RAB20: variants seen among roughly 807,000 people sequenced by gnomAD.
RAB20 encodes the protein ras-related protein Rab-20.
A neutral mutation model predicts 3.7 loss-of-function variants in RAB20; 2 were observed. The observed-to-expected ratio is 0.54, with a 90% CI of 0.22 to 1.69. The LOEUF (loss-of-function observed/expected upper bound fraction) is 1.69, where lower values mean the gene tolerates loss of function less well. Ranked by LOEUF, RAB20 falls within the 40% of genes most tolerant of loss-of-function variation. The pLI, the probability that RAB20 is intolerant of heterozygous loss-of-function variation, is 0.19. For synonymous variants in RAB20, 126 were observed against 130.8 expected (o/e 0.96, Z 0.25); for missense variants, 276 against 311.9 (o/e 0.88, Z 0.87).
At chr13:110,549,176 A>G (rs34659504) in intron 1 of RAB20, among the ~76,000 whole-genome samples, 2,774 of 152,384 alleles carry the variant, frequency 0.018, 37 homozygotes, top group African/African-American at 0.026. Context: ...AGTCCACAAA[A>G]CAAATCAGCA....
intron 1 of RAB20, among the ~76,000 whole-genome samples, chr13:110,542,033 A>G (rs1290608642): frequency 6.6e-6 from 1 of 152,140 alleles, no homozygotes; most frequent in Non-Finnish European, 1.5e-5. Flanking sequence ...CTGCCAAATA[A>G]TAAGGGTGTT....
In RAB20 at chr13:110,561,633, G is replaced by A; in HGVS notation, c.-114C>T. The A allele has an allele frequency of 6.8e-7, 1 of 1,469,652 alleles. No individual in the cohort carries two copies. The highest frequency in any genetic ancestry group is 9.0e-7 in the Non-Finnish European group (1 of 1,112,536). 91.0% of individuals were successfully genotyped at this position (1,469,652 alleles called of 1,614,324 possible). A position where few individuals can be genotyped will look rare whatever the true frequency, so the allele number is the denominator to read the frequency against. On this transcript the variant is annotated 5_prime_UTR_variant, in exon 1 of 2. In the 5' UTR this introduces an upstream ATG that the reference lacks. Transcript: ENST00000267328. ...CGGACTCGCCGGGACCCGGATTCTC[G>A]TGAACGCTCCGGGACCTTCGCCTCC...
At chr13:110,549,418 G>GT (rs1884910281) in intron 1 of RAB20, among the ~76,000 whole-genome samples, 1 of 152,194 alleles carries the variant, frequency 6.6e-6, no homozygotes, top group Non-Finnish European at 1.5e-5. Flanking sequence ...ACTCACCACT[G>GT]TGTCTTTTCA....
At chr13:110,530,459 G>T (rs1455645099) in intron 1 of RAB20, among the ~76,000 whole-genome samples, 1 of 73,686 alleles carries the variant, frequency 1.4e-5, no homozygotes, top group Non-Finnish European at 2.5e-5. Context: ...GGTCCCACCC[G>T]CCCCACCTCT....
intron 1 of RAB20, among the ~76,000 whole-genome samples, chr13:110,554,353 C>T (rs1259973080): frequency 6.6e-6 from 1 of 152,180 alleles, no homozygotes; most frequent in Non-Finnish European, 1.5e-5. Flanking sequence ...TATGACACAG[C>T]CTCCACCCCA....
In RAB20 at chr13:110,523,501, T is replaced by G; in HGVS notation, c.*164A>C. 7.6e-7 allele frequency: 1 copy of G among 1,322,714 alleles called. No homozygotes were observed. The highest frequency in any genetic ancestry group is 1.0e-6 in the Non-Finnish European group (1 of 993,384). 81.9% of individuals were successfully genotyped at this position (1,322,714 alleles called of 1,614,324 possible). ...CAGAGACTGAGGAGACCACACACGT[T>G]GACCTCCTCTTCATAGCCAGCCATC... On this transcript the variant is annotated 3_prime_UTR_variant, in exon 2 of 2. Transcript: ENST00000267328.
chr13:110,546,685 A>C (rs1884854145), intron 1 of RAB20, among the ~76,000 whole-genome samples: 1 of 150,528 alleles, frequency 6.6e-6, no homozygotes, highest in Non-Finnish European at 1.5e-5. Flanking sequence ...TGTGAACAGT[A>C]CAAGCTGAAC....
rs560879473 is a variant in RAB20 at position 110,543,292 on chromosome 13, C to T, written c.172+18056G>A. The stretch of plus-strand genomic sequence containing the variant: ...TACAGATGTGCACCACCTCCCCTGG[C>T]TAATTTTTCTTATTTTTTTGTAGAG... On this transcript the variant is annotated intron_variant, in intron 1 of 1. Coordinates refer to ENST00000267328, the MANE Select transcript of RAB20 (RefSeq NM_017817.3). Among the ~76,000 whole-genome samples, 55 of 152,194 alleles carry T rather than the reference C, an allele frequency of 3.6e-4. No individual in the cohort carries two copies. The South Asian group carries it at 9.3e-3, about 26-fold the overall frequency.
At chr13:110,539,366 C>T (rs377223986) in intron 1 of RAB20, among the ~76,000 whole-genome samples, 4 of 152,020 alleles carry the variant, frequency 2.6e-5, no homozygotes, top group Admixed American at 6.6e-5. Context: ...AAATACTGAC[C>T]GACAGCCATC....
intron 1 of RAB20, among the ~76,000 whole-genome samples, chr13:110,549,097 T>G (rs1884903540): frequency 6.6e-6 from 1 of 152,184 alleles, no homozygotes; most frequent in Admixed American, 6.5e-5. Flanking sequence ...TTCAGAGGCT[T>G]AAGACCAGTG....
intron 1 of RAB20, among the ~76,000 whole-genome samples, chr13:110,525,649 T>TG (rs1362527039): frequency 6.6e-6 from 1 of 152,216 alleles, no homozygotes; most frequent in Non-Finnish European, 1.5e-5. Context: ...CCAAGGCAGG[T>TG]GTTCCTGGGA....
At chr13:110,534,758 C>T (rs1884608707) in intron 1 of RAB20, among the ~76,000 whole-genome samples, 1 of 152,222 alleles carries the variant, frequency 6.6e-6, no homozygotes, top group Non-Finnish European at 1.5e-5. Flanking sequence ...CCTCTCCTGC[C>T]AGCTGTTCAG....
intron 1 of RAB20, among the ~76,000 whole-genome samples, chr13:110,530,458 C>G (rs1338853780): frequency 9.6e-6 from 1 of 104,696 alleles, no homozygotes; most frequent in Non-Finnish European, 1.9e-5. Flanking sequence ...AGGTCCCACC[C>G]GCCCCACCTC....
chr13:110,550,721 C>T (rs748610290), intron 1 of RAB20, among the ~76,000 whole-genome samples: 1 of 152,060 alleles, frequency 6.6e-6, no homozygotes, highest in Non-Finnish European at 1.5e-5. Context: ...TTGCCACCTT[C>T]CAGAGTCTTA....
At chr13:110,543,067 C>T (rs1884793039) in intron 1 of RAB20, among the ~76,000 whole-genome samples, 1 of 152,190 alleles carries the variant, frequency 6.6e-6, no homozygotes, top group South Asian at 2.1e-4. Flanking sequence ...TTTTCATATA[C>T]CTGTTGGCCA....
At chr13:110,553,244 T>C (rs1294932387) in intron 1 of RAB20, among the ~76,000 whole-genome samples, 2 of 152,202 alleles carry the variant, frequency 1.3e-5, no homozygotes, top group Admixed American at 6.5e-5. Flanking sequence ...TCTTCCAAGA[T>C]CTTTTGTTCA....
chr13:110,550,195 CTG>C (rs1205228012), intron 1 of RAB20, among the ~76,000 whole-genome samples: 1 of 152,146 alleles, frequency 6.6e-6, no homozygotes, highest in Non-Finnish European at 1.5e-5. Flanking sequence ...CACCCCAACT[CTG>C]TGGCACCCCA....
At chr13:110,524,905 C>T (rs920818378) in intron 1 of RAB20, among the ~76,000 whole-genome samples, 1 of 152,232 alleles carries the variant, frequency 6.6e-6, no homozygotes, top group African/African-American at 2.4e-5. Flanking sequence ...GCCGCAGCCC[C>T]GCCTGCCCTC....
chr13:110,538,502 A>G (rs1487964159), intron 1 of RAB20, among the ~76,000 whole-genome samples: 2 of 141,278 alleles, frequency 1.4e-5, no homozygotes, highest in African/African-American at 5.1e-5. Context: ...GCTACTGGGT[A>G]GGTTGGGGTG....
Sources: allele counts gnomAD v4.1 joint callset (sites outside exome capture counted in the v4.1 genomes callset), GRCh38; gene constraint gnomAD v4.1.1; transcripts MANE v1.5; gene names NCBI Gene and HGNC (gene_info 2026-07-23, HGNC 2026-07-21).